GBE1: variants seen among roughly 807,000 people sequenced by gnomAD.
GBE1 encodes the protein 1,4-alpha-glucan branching enzyme 1.
GBE1 carries 70 observed loss-of-function variants against 88.8 expected under a neutral mutation model. The ratio of observed to expected loss-of-function variants is 0.79; its 90% confidence interval spans 0.65 to 0.96. The LOEUF (loss-of-function observed/expected upper bound fraction) is 0.96, where lower values mean the gene tolerates loss of function less well. Among genes scored for constraint, GBE1 ranks in the 40% least tolerant of loss-of-function variants. The pLI is 0.00. For missense variants in GBE1, 872 were observed against 871.0 expected, an observed-to-expected ratio of 1.00 and a Z score of -0.01; for synonymous variants, 284 against 300.1, an observed-to-expected ratio of 0.95 and a Z score of 0.56.
chr3:81,550,989 T>G (rs925838819), intron 12 of GBE1, among the ~76,000 whole-genome samples: 1 of 152,146 alleles, frequency 6.6e-6, no homozygotes, highest in Non-Finnish European at 1.5e-5. Flanking sequence ...CCAAGAACCC[T>G]CTCTTGGGGT....
chr3:81,666,636 T>C (rs891129653), intron 3 of GBE1, among the ~76,000 whole-genome samples: 18 of 152,146 alleles, frequency 1.2e-4, no homozygotes, highest in Non-Finnish European at 2.6e-4. Flanking sequence ...CAGGAAACTA[T>C]GTAAACTGAA....
rs750687054 is a variant in GBE1, at chr3:81,586,080, A to G, written c.1335+12T>C. On this transcript the variant is annotated intron_variant, in intron 10 of 15. Transcript: ENST00000429644. ...ATTCACAGAAACAAAAAATATTTACATGGACTCTTACCTGAATCCACTTAT... is the reference window on the plus strand; with the variant it reads ...ATTCACAGAAACAAAAAATATTTACGTGGACTCTTACCTGAATCCACTTAT... 2 of 1,521,696 alleles carry G rather than the reference A, an allele frequency of 1.3e-6. No homozygotes were observed. The highest frequency in any genetic ancestry group is 2.3e-5 in the East Asian group (1 of 43,894). 94.3% of individuals were successfully genotyped at this position (1,521,696 alleles called of 1,614,324 possible). A position where few individuals can be genotyped will look rare whatever the true frequency, so the allele number is the denominator to read the frequency against.
chr3:81,653,396 G>C (rs1704878983), intron 3 of GBE1, among the ~76,000 whole-genome samples: 1 of 152,054 alleles, frequency 6.6e-6, no homozygotes, highest in Non-Finnish European at 1.5e-5. Context: ...TGAGGCAAGA[G>C]GACAGCTTGA....
chr3:81,566,962 AAAC>A (rs1703504131), intron 12 of GBE1, among the ~76,000 whole-genome samples: 1 of 152,190 alleles, frequency 6.6e-6, no homozygotes, highest in Non-Finnish European at 1.5e-5. Flanking sequence ...TTTCATAAGA[AAAC>A]AAACCTCTCT....
chr3:81,536,298 C>T lies in GBE1; in HGVS notation c.1803+613G>A, dbSNP rs187287870. 2.8e-3 allele frequency among the ~76,000 whole-genome samples: 417 copies of T among 151,530 alleles called. 2 individuals carry two copies. The highest frequency in any genetic ancestry group is 8.6e-3 in the African/African-American group (357 of 41,348). On this transcript the variant is annotated intron_variant, in intron 13 of 15. Transcript: ENST00000429644. Reference sequence around the variant, plus strand: ...CCAGTATAAAGTAAATGGATTATAACGAAGACATATTATATGTTAACTTTT... The same window carrying T: ...CCAGTATAAAGTAAATGGATTATAATGAAGACATATTATATGTTAACTTTT...
At chr3:81,739,982 T>C (rs554087161) in intron 1 of GBE1, among the ~76,000 whole-genome samples, 2 of 152,196 alleles carry the variant, frequency 1.3e-5, no homozygotes, top group Non-Finnish European at 1.5e-5. Context: ...CCCAGCAATT[T>C]GGAAGGCCAA....
chr3:81,737,912 C>G (rs1413628131), intron 1 of GBE1, among the ~76,000 whole-genome samples: 1 of 152,018 alleles, frequency 6.6e-6, no homozygotes, highest in African/African-American at 2.4e-5. Context: ...CTTCCCCCAC[C>G]CCAAAACAGT....
chr3:81,750,541 A>ATATATATG (rs1706484785), intron 1 of GBE1, among the ~76,000 whole-genome samples: 3 of 97,844 alleles, frequency 3.1e-5, no homozygotes, highest in African/African-American at 1.5e-4. Context: ...ATATATACGT[A>ATATATATG]TATATATATG....
intron 14 of GBE1, among the ~76,000 whole-genome samples, chr3:81,519,905 T>C (rs574045998): frequency 2.1e-4 from 32 of 151,652 alleles, no homozygotes; most frequent in African/African-American, 6.5e-4. Flanking sequence ...ATTCTACTTA[T>C]ATTCCCAGAA....
intron 12 of GBE1, among the ~76,000 whole-genome samples, chr3:81,548,750 C>G (rs2106890308): frequency 6.6e-6 from 1 of 150,802 alleles, no homozygotes; most frequent in African/African-American, 2.4e-5. Context: ...AGAGAAAAAA[C>G]ATTAAGGACT....
intron 2 of GBE1, among the ~76,000 whole-genome samples, chr3:81,681,911 G>GA (rs1467323735): frequency 5.9e-5 from 9 of 151,996 alleles, no homozygotes; most frequent in South Asian, 2.1e-4. Flanking sequence ...AGTAGCAAAT[G>GA]AAAAAAACAG....
At chr3:81,531,421 G>A (rs553930778) in intron 14 of GBE1, among the ~76,000 whole-genome samples, 1 of 151,702 alleles carries the variant, frequency 6.6e-6, no homozygotes, top group Non-Finnish European at 1.5e-5. Context: ...ACACATCTGG[G>A]AATGTGCCGG....
At chr3:81,614,688 T>C (rs944254432) in intron 7 of GBE1, among the ~76,000 whole-genome samples, 4 of 151,982 alleles carry the variant, frequency 2.6e-5, no homozygotes, top group African/African-American at 9.7e-5. Flanking sequence ...TGAAAACCCT[T>C]CTCTACTAAA....
chr3:81,662,295 G>C (rs1576190132), intron 3 of GBE1, among the ~76,000 whole-genome samples: 3 of 152,252 alleles, frequency 2.0e-5, no homozygotes, highest in Admixed American at 2.0e-4. Context: ...GCTTCCCAAA[G>C]TGCTGGGATT....
chr3:81,646,251 A>G (rs1420079673), intron 6 of GBE1, 141 bp downstream of exon 6: 3 of 624,324 alleles, frequency 4.8e-6, no homozygotes, highest in Non-Finnish European at 8.5e-6. Context: ...CTATGACCTT[A>G]GTAAAAGAAA....
chr3:81,756,423 A>T (rs1050823301), intron 1 of GBE1, among the ~76,000 whole-genome samples: 3 of 152,242 alleles, frequency 2.0e-5, no homozygotes, highest in Non-Finnish European at 4.4e-5. Flanking sequence ...TCACTCAGCC[A>T]CTGGCTCATT....
intron 14 of GBE1, among the ~76,000 whole-genome samples, chr3:81,523,646 C>G (rs545959435): frequency 1.3e-5 from 2 of 151,676 alleles, no homozygotes; most frequent in African/African-American, 4.8e-5. Flanking sequence ...CTCACTACCC[C>G]ACTACCCTTC....
intron 7 of GBE1, among the ~76,000 whole-genome samples, chr3:81,608,028 C>T (rs977333263): frequency 6.6e-6 from 1 of 152,168 alleles, no homozygotes; most frequent in Non-Finnish European, 1.5e-5. Context: ...GTATTAACCC[C>T]ACAAGTCCTT....
At chr3:81,625,191 A>C (rs1704396071) in intron 7 of GBE1, among the ~76,000 whole-genome samples, 1 of 152,120 alleles carries the variant, frequency 6.6e-6, no homozygotes, top group Admixed American at 6.6e-5. Flanking sequence ...GCCTTGATAG[A>C]AGATATTTTC....
Sources: gnomAD v4.1 joint callset for allele counts (sites outside exome capture counted in the v4.1 genomes callset) on GRCh38, gnomAD v4.1.1 for gene constraint, MANE v1.5 for transcripts, NCBI Gene and HGNC (gene_info 2026-07-23, HGNC 2026-07-21) for gene names.